The following ANO2 variants were observed in gnomAD, a reference collection of about 807,000 sequenced individuals.
The protein encoded by ANO2 is anoctamin-2.
Under a neutral mutation model 124.2 loss-of-function variants are expected in ANO2, and 101 were observed. That is an observed-to-expected ratio of 0.81 (90% CI 0.69 to 0.96). ANO2 has a LOEUF of 0.96. Ranked by LOEUF, ANO2 falls within the 40% of genes least tolerant of loss-of-function variation. The probability of loss-of-function intolerance (pLI) is 0.00; values close to 1 mark genes in which losing one functional copy is unlikely to be tolerated. For missense variants in ANO2, 1,293 were observed against 1,274.5 expected (o/e 1.01, Z -0.22); for synonymous variants, 486 against 482.5 (o/e 1.01, Z -0.09).
At chr12:5,591,708 C>T (rs1041364017) in intron 20 of ANO2, among the ~76,000 whole-genome samples, 10 of 152,192 alleles carry the variant, frequency 6.6e-5, no homozygotes, top group East Asian at 1.9e-4. Context: ...AATCAAAATA[C>T]TTACTATGCC....
intron 4 of ANO2, among the ~76,000 whole-genome samples, chr12:5,846,508 A>G (rs1049051512): frequency 1.3e-5 from 2 of 152,230 alleles, no homozygotes; most frequent in African/African-American, 4.8e-5. Flanking sequence ...CCTGCCCAGA[A>G]GAAGAGTGTA....
At position 5,922,920 on chromosome 12, in the gene ANO2, C is replaced by T. The variant is rs868028792; in HGVS notation, c.23-116G>A. The T allele has an allele frequency of 3.8e-5, 41 of 1,090,252 alleles. No homozygotes were observed. The Middle Eastern group carries it at 1.0e-3, about 27-fold the overall frequency. The allele number at this position is 1,090,252 out of a possible 1,614,324, so 67.5% of individuals were successfully genotyped here. ...TGAGAAAATGGCCCATTTTGCTTCA[C>T]AGCTGCCTCCTTGGTTAGTCCCTAA... On this transcript the variant is annotated intron_variant, in intron 1 of 24. Transcript: ENST00000682330.
intron 7 of ANO2, among the ~76,000 whole-genome samples, chr12:5,820,384 G>A (rs1432793782): frequency 6.6e-6 from 1 of 152,184 alleles, no homozygotes; most frequent in South Asian, 2.1e-4. Flanking sequence ...TGATCCTCAA[G>A]TTAAAGTAAG....
At chr12:5,798,831 G>A (rs1591631155) in intron 10 of ANO2, among the ~76,000 whole-genome samples, 2 of 152,212 alleles carry the variant, frequency 1.3e-5, no homozygotes, top group Admixed American at 6.5e-5. Flanking sequence ...CAGTGCTGCC[G>A]CCCAACATTC....
chr12:5,795,897 A>T (rs1952830047), intron 10 of ANO2, among the ~76,000 whole-genome samples: 1 of 152,102 alleles, frequency 6.6e-6, no homozygotes, highest in Non-Finnish European at 1.5e-5. Flanking sequence ...TGCAGGCAGA[A>T]ATGTCCTTCT....
At position 5,865,266 on chromosome 12, in the gene ANO2, A is replaced by C. The variant is rs141330487; in HGVS notation, c.535-11125T>G. Among the ~76,000 whole-genome samples, 573 of 152,302 alleles carry C rather than the reference A, an allele frequency of 3.8e-3. 2 individuals carry two copies. The highest frequency in any genetic ancestry group is 0.034 in the Middle Eastern group (10 of 294). On this transcript the variant is annotated intron_variant, in intron 3 of 24. Transcript: ENST00000682330. The stretch of plus-strand genomic sequence containing the variant: ...ATGTGCTAAGAGTTAGGGCATATGA[A>C]AGAAATCTAAGCCATCATGCCATCA...
At chr12:5,732,654 T>C in intron 13 of ANO2, 24 bp from the exon 14 acceptor site, 3 of 1,601,638 alleles carry the variant, frequency 1.9e-6, no homozygotes, top group Non-Finnish European at 2.6e-6. Flanking sequence ...CAGTGAGTGG[T>C]TAGTAAACAA....
At chr12:5,683,211 A>T (rs911213851) in intron 14 of ANO2, among the ~76,000 whole-genome samples, 2 of 152,146 alleles carry the variant, frequency 1.3e-5, no homozygotes, top group Admixed American at 1.3e-4. Context: ...ATTTAACTCC[A>T]CAATTAAAGG....
chr12:5,704,770 T>G (rs1949541403), intron 14 of ANO2, among the ~76,000 whole-genome samples: 1 of 151,998 alleles, frequency 6.6e-6, no homozygotes, highest in Non-Finnish European at 1.5e-5. Context: ...TGCCCCATAT[T>G]TTCTAAGCTT....
At chr12:5,611,226 C>T (rs555136810) in intron 19 of ANO2, among the ~76,000 whole-genome samples, 2 of 152,262 alleles carry the variant, frequency 1.3e-5, no homozygotes, top group East Asian at 3.9e-4. Context: ...ACCTCAGCTT[C>T]CCAAAGTGCT....
intron 10 of ANO2, among the ~76,000 whole-genome samples, chr12:5,778,397 T>C (rs1173872182): frequency 6.6e-6 from 1 of 152,228 alleles, no homozygotes; most frequent in Non-Finnish European, 1.5e-5. Flanking sequence ...GGGTTCTTTG[T>C]ACCATCCTGC....
intron 4 of ANO2, among the ~76,000 whole-genome samples, chr12:5,833,138 G>A (rs773708876): frequency 7.2e-5 from 11 of 152,222 alleles, no homozygotes; most frequent in Middle Eastern, 6.8e-3. Flanking sequence ...CCAGCATCCC[G>A]TTCTTTATGT....
intron 3 of ANO2, among the ~76,000 whole-genome samples, chr12:5,899,583 G>A (rs1940038574): frequency 6.6e-6 from 1 of 152,216 alleles, no homozygotes; most frequent in Admixed American, 6.5e-5. Flanking sequence ...ATGGACTCAG[G>A]TGACCAACAA....
chr12:5,566,900 G>A (rs546499165), intron 23 of ANO2, among the ~76,000 whole-genome samples: 1 of 152,270 alleles, frequency 6.6e-6, no homozygotes, highest in South Asian at 2.1e-4. Context: ...TTCACAAGTA[G>A]GTGCTCTTTG....
intron 3 of ANO2, among the ~76,000 whole-genome samples, chr12:5,857,843 A>C (rs1955153170): frequency 6.6e-6 from 1 of 152,252 alleles, no homozygotes; most frequent in South Asian, 2.1e-4. Context: ...GTACTCAGCC[A>C]TAAAAAGAAT....
At chr12:5,785,656 T>TAC (rs71445677) in intron 10 of ANO2, among the ~76,000 whole-genome samples, 45,779 of 149,538 alleles carry the variant, frequency 0.31, 6,869 homozygotes, top group Admixed American at 0.32. Flanking sequence ...AGTCCTCTTG[T>TAC]ACACACACAC....
intron 9 of ANO2, among the ~76,000 whole-genome samples, chr12:5,800,933 C>T (rs116341657): frequency 2.1e-3 from 325 of 152,204 alleles, no homozygotes; most frequent in African/African-American, 7.6e-3. Flanking sequence ...CCTGGGCACG[C>T]CACCATTTAG....
At position 5,888,754 on chromosome 12, in the gene ANO2, A is replaced by G. The variant is rs536319933; in HGVS notation, c.534+32286T>C. Among the ~76,000 whole-genome samples the G allele has an allele frequency of 5.9e-5, 9 of 152,302 alleles. No homozygotes were observed. In the South Asian group the frequency reaches 1.9e-3, roughly 32 times the overall value. On this transcript the variant is annotated intron_variant, in intron 3 of 24. Transcript: ENST00000682330. The stretch of plus-strand genomic sequence containing the variant: ...ACCTTGAGCTAGATACAGAGTGCCA[A>G]TTGGTGTATTTACAATCCCTTAGCT...
At chr12:5,879,130 A>C (rs1386319238) in intron 3 of ANO2, among the ~76,000 whole-genome samples, 1 of 152,204 alleles carries the variant, frequency 6.6e-6, no homozygotes, top group African/African-American at 2.4e-5. Flanking sequence ...CCCAGGTATA[A>C]GGATGGGGAA....
Sources: allele counts gnomAD v4.1 joint callset (sites outside exome capture counted in the v4.1 genomes callset), GRCh38; gene constraint gnomAD v4.1.1; transcripts MANE v1.5; gene names NCBI Gene and HGNC (gene_info 2026-07-23, HGNC 2026-07-21).